The following ELF4 variants were observed in gnomAD, a reference collection of about 807,000 sequenced individuals.
ELF4 encodes the protein E74 like ETS transcription factor 4, also known as ETS-related transcription factor Elf-4.
In ELF4, 10 loss-of-function variants were observed where a neutral mutation model predicts 31.7. That is an observed-to-expected ratio of 0.32 (90% CI 0.19 to 0.54). The LOEUF (loss-of-function observed/expected upper bound fraction) is 0.54. ELF4 is among the 20% of genes least tolerant of loss of function. The pLI is 0.95. For missense variants in ELF4, 418 were observed against 522.0 expected, an observed-to-expected ratio of 0.80 and a Z score of 1.94; for synonymous variants, 208 against 226.7, an observed-to-expected ratio of 0.92 and a Z score of 0.74.
At chrX:130,108,400 G>A (rs998017718) in intron 1 of ELF4, among the ~76,000 whole-genome samples, 4 of 111,574 alleles carry the variant, frequency 3.6e-5, no homozygotes, top group Non-Finnish European at 5.7e-5. Flanking sequence ...GATGTGGAAA[G>A]GAAGAAGGCC....
At position 130,071,216 on chromosome X, in the gene ELF4, C is replaced by T; in HGVS notation, c.633G>A (p.Leu211=). The part of the protein sequence containing the change: ...SKDGKGSTIY[L]WEFLLALLQD... ...GCAGAAGAGCCAGGAGGAACTCCCA[C>T]AGATAGATGGTGCTGCCTGCAGAGG... Residue 211 remains leucine, a synonymous_variant, in exon 7 of 9, where the codon CTG becomes CTA. Coordinates refer to ENST00000308167, the MANE Select transcript of ELF4 (RefSeq NM_001421.4). The T allele has an allele frequency of 8.3e-7, 1 of 1,211,736 alleles. No homozygotes were observed. Among genetic ancestry groups the T allele is most frequent in the Non-Finnish European group, 1.1e-6 (1 of 895,580 alleles).
At chrX:130,072,189 CT>C in intron 5 of ELF4, 36 bp downstream of exon 5, 1 of 1,200,432 alleles carries the variant, frequency 8.3e-7, no homozygotes, top group Non-Finnish European at 1.1e-6. Context: ...CGCCCATCCC[CT>C]CGGAGACACA....
chrX:130,066,110 C>T lies in ELF4; in HGVS notation c.*611G>A, dbSNP rs1487316032. The T allele has an allele frequency of 5.8e-6, 1 of 173,905 alleles. No individual in the cohort carries two copies. The highest frequency in any genetic ancestry group is 2.9e-5 in the African/African-American group (1 of 33,922). 14.3% of individuals were successfully genotyped at this position (173,905 alleles called of 1,213,427 possible). Reference sequence around the variant, plus strand: ...TCCAGCTCTACAACATCTCCAGATTCGGAGGATCAAACTTGTACCCCATAG... The same window carrying T: ...TCCAGCTCTACAACATCTCCAGATTTGGAGGATCAAACTTGTACCCCATAG... On this transcript the variant is annotated 3_prime_UTR_variant, in exon 9 of 9. Coordinates refer to ENST00000308167, the MANE Select transcript of ELF4 (RefSeq NM_001421.4).
At chrX:130,067,613 A>G in intron 8 of ELF4, 88 bp from the exon 9 acceptor site, 2 of 962,457 alleles carry the variant, frequency 2.1e-6, no homozygotes, top group Non-Finnish European at 3.0e-6. Flanking sequence ...ATGGAGCTGA[A>G]GGTGTTTGTC....
intron 1 of ELF4, among the ~76,000 whole-genome samples, chrX:130,090,972 C>G: frequency 9.0e-6 from 1 of 111,101 alleles, no homozygotes; most frequent in Non-Finnish European, 1.9e-5. Flanking sequence ...GCCACCGTGC[C>G]CGGCTAACTT....
chrX:130,069,267 T>C, intron 8 of ELF4, 33 bp downstream of exon 8: 2 of 1,206,065 alleles, frequency 1.7e-6, no homozygotes, highest in Non-Finnish European at 2.2e-6. Context: ...TGATGTACTA[T>C]GTGAAGACTC....
At chrX:130,070,865 T>C (rs958089822) in intron 7 of ELF4, among the ~76,000 whole-genome samples, 175 bp downstream of exon 7, 3 of 107,834 alleles carry the variant, frequency 2.8e-5, no homozygotes, top group Non-Finnish European at 5.8e-5. Flanking sequence ...AGGGGGGCTC[T>C]TCCTGCCAGA....
intron 1 of ELF4, among the ~76,000 whole-genome samples, chrX:130,093,619 C>A (rs1281169967): frequency 8.9e-6 from 1 of 112,184 alleles, no homozygotes; most frequent in African/African-American, 3.2e-5. Context: ...CTGTAAGCAG[C>A]CTGAGGCTTT....
At chrX:130,077,408 G>A (rs1261999049) in intron 2 of ELF4, among the ~76,000 whole-genome samples, 2 of 109,607 alleles carry the variant, frequency 1.8e-5, no homozygotes, top group Admixed American at 9.8e-5. Flanking sequence ...CAATTCTCCC[G>A]TCTCAGCCTC....
At chrX:130,099,561 C>T (rs1210536688) in intron 1 of ELF4, among the ~76,000 whole-genome samples, 2 of 110,858 alleles carry the variant, frequency 1.8e-5, no homozygotes, top group Non-Finnish European at 3.8e-5. Flanking sequence ...GTGACAAGAG[C>T]GATACTCCGT....
chrX:130,084,479 G>A (rs1277900095), intron 1 of ELF4, among the ~76,000 whole-genome samples: 1 of 112,054 alleles, frequency 8.9e-6, no homozygotes, highest in Non-Finnish European at 1.9e-5. Context: ...AAAGAGAGAC[G>A]ATTCCCAGGG....
At chrX:130,079,368 G>A (rs1291180915) in intron 2 of ELF4, among the ~76,000 whole-genome samples, 1 of 111,403 alleles carries the variant, frequency 9.0e-6, no homozygotes. Context: ...TGAGGCACAA[G>A]AATCGCTTGA....
chrX:130,093,964 G>C (rs919790721), intron 1 of ELF4, among the ~76,000 whole-genome samples: 6 of 112,291 alleles, frequency 5.3e-5, no homozygotes, highest in Non-Finnish European at 9.4e-5. Flanking sequence ...GGGCGTGGTG[G>C]CTCACACCTG....
intron 1 of ELF4, among the ~76,000 whole-genome samples, chrX:130,104,796 T>G (rs1428275384): frequency 1.8e-5 from 2 of 111,751 alleles, no homozygotes; most frequent in East Asian, 2.8e-4. Flanking sequence ...GAAAGGAAGC[T>G]TCAGGAGAGT....
chrX:130,075,394 A>ATC (rs1180463198), intron 2 of ELF4, among the ~76,000 whole-genome samples: 1 of 108,840 alleles, frequency 9.2e-6, no homozygotes, highest in Admixed American at 9.9e-5. Flanking sequence ...CTCCTGCCTC[A>ATC]GCCTCCCGAG....
chrX:130,090,455 C>A (rs1933039549), intron 1 of ELF4, among the ~76,000 whole-genome samples: 1 of 111,603 alleles, frequency 9.0e-6, no homozygotes, highest in African/African-American at 3.3e-5. Context: ...CCCACCTCCA[C>A]AGTGCCTTCC....
chrX:130,081,160 T>G (rs1427511151), intron 2 of ELF4, 96 bp downstream of exon 2: 51 of 992,795 alleles, frequency 5.1e-5, no homozygotes, highest in Non-Finnish European at 7.0e-5. Flanking sequence ...ATTGGCTAGC[T>G]GTGCAGCCAG....
chrX:130,085,519 A>G (rs1932948115), intron 1 of ELF4, among the ~76,000 whole-genome samples: 1 of 111,975 alleles, frequency 8.9e-6, no homozygotes, highest in Non-Finnish European at 1.9e-5. Flanking sequence ...TACAGGAAAT[A>G]GCCCCAATGT....
intron 3 of ELF4, 36 bp from the exon 4 acceptor site, chrX:130,074,177 A>T (rs1421769043): frequency 8.5e-7 from 1 of 1,181,320 alleles, no homozygotes; most frequent in African/African-American, 1.8e-5. Flanking sequence ...AGAGAAGAAA[A>T]GTTCCCTCAG....
Sources: gnomAD v4.1 joint callset for allele counts (sites outside exome capture counted in the v4.1 genomes callset) on GRCh38, gnomAD v4.1.1 for gene constraint, MANE v1.5 for transcripts, NCBI Gene and HGNC (gene_info 2026-07-23, HGNC 2026-07-21) for gene names.